The following RTN1 variants were observed in gnomAD, a reference collection of about 807,000 sequenced individuals.
The protein encoded by RTN1 is reticulon-1.
RTN1 carries 25 observed loss-of-function variants against 65.5 expected under a neutral mutation model. The ratio of observed to expected loss-of-function variants is 0.38; its 90% CI spans 0.28 to 0.53. The LOEUF is 0.53. Ranked by LOEUF, RTN1 falls within the 20% of genes least tolerant of loss-of-function variation. The pLI is 0.79. For missense variants in RTN1, 983 were observed against 1,025.4 expected, an observed-to-expected ratio of 0.96 and a Z score of 0.57; for synonymous variants, 471 against 447.6, an observed-to-expected ratio of 1.05 and a Z score of -0.66.
At chr14:59,765,102 T>G (rs1885825318) in intron 1 of RTN1, among the ~76,000 whole-genome samples, 1 of 152,122 alleles carries the variant, frequency 6.6e-6, no homozygotes, top group African/African-American at 2.4e-5. Context: ...AATGCTGTTC[T>G]TTGTGTTAAA....
At chr14:59,637,100 G>A (rs1882681601) in intron 3 of RTN1, among the ~76,000 whole-genome samples, 1 of 152,200 alleles carries the variant, frequency 6.6e-6, no homozygotes, top group Non-Finnish European at 1.5e-5. Flanking sequence ...ACCCACAGTA[G>A]AAGTTCTTTT....
intron 1 of RTN1, among the ~76,000 whole-genome samples, chr14:59,818,878 T>G (rs1435730258): frequency 6.6e-6 from 1 of 152,226 alleles, no homozygotes; most frequent in East Asian, 1.9e-4. Context: ...TGAGATTGTG[T>G]GCAGAACTGG....
Position 59,749,213 on chromosome 14 carries a change from T to C in RTN1, c.242-2732A>G, listed in dbSNP as rs1231008434. On this transcript the variant is annotated intron_variant, in intron 1 of 8. Transcript: ENST00000267484. ...CTATATATATCTATATATATATCTA[T>C]ATATATCTATATATCTATATATATC... Among the ~76,000 whole-genome samples, 2 of 96,586 alleles carry C rather than the reference T, an allele frequency of 2.1e-5. 1 individual carries two copies. Among genetic ancestry groups the C allele is most frequent in the African/African-American group, 1.4e-4 (2 of 14,426 alleles). 63.4% of individuals were successfully genotyped at this position (96,586 alleles called of 152,430 possible). A position where few individuals can be genotyped will look rare whatever the true frequency, so the allele number is the denominator to read the frequency against.
chr14:59,820,121 T>C (rs1372727281), intron 1 of RTN1, among the ~76,000 whole-genome samples: 1 of 152,238 alleles, frequency 6.6e-6, no homozygotes, highest in African/African-American at 2.4e-5. Flanking sequence ...CATTGTGGTT[T>C]TGATTTGCAT....
chr14:59,816,193 G>GCA lies in RTN1; in HGVS notation c.241+54195_241+54196dup, dbSNP rs1049949881. Among the ~76,000 whole-genome samples the GCA allele has an allele frequency of 2.2e-4, 34 of 151,362 alleles. No individual in the cohort carries two copies. Among genetic ancestry groups the GCA allele is most frequent in the Middle Eastern group, 6.8e-3 (2 of 292 alleles). ...TGCATACTTTTAGAGACTAAAGTAT[G>GCA]CACACACACACACACAAGCTTGCGT... On this transcript the variant is annotated intron_variant, in intron 1 of 8. Coordinates refer to ENST00000267484, the MANE Select transcript of RTN1 (RefSeq NM_021136.3). The surrounding 1 kb of genome is among the most constrained non-coding windows in gnomAD (Gnocchi z 4.3).
At position 59,806,890 on chromosome 14, in the gene RTN1, C is replaced by T. The variant is rs1886648955; in HGVS notation, c.242-60409G>A. Among the ~76,000 whole-genome samples, 3 of 152,176 alleles carry T rather than the reference C, an allele frequency of 2.0e-5. No individual in the cohort carries two copies. In the South Asian group the frequency reaches 6.2e-4, roughly 31 times the overall value. On this transcript the variant is annotated intron_variant, in intron 1 of 8. Transcript: ENST00000267484. ...CATTAATGGGCAATTAGGTTGGTTC[C>T]TTGTCTTTGCTATTGCAAATAGTAA...
At chr14:59,762,623 A>T (rs1399532076) in intron 1 of RTN1, among the ~76,000 whole-genome samples, 3 of 152,214 alleles carry the variant, frequency 2.0e-5, no homozygotes, top group African/African-American at 7.2e-5. Flanking sequence ...TTCTTAAGCT[A>T]AACTAGATGG....
Position 59,870,426 on chromosome 14 carries a change from G to C in RTN1, c.205C>G (p.Arg69Gly), listed in dbSNP as rs770376901. Reference protein sequence around the residue: ...ASREAGSGPARQSPVAMETAS... With the variant: ...ASREAGSGPAGQSPVAMETAS... Reference sequence around the variant, plus strand: ...GTTTCCATGGCAACGGGCGACTGCCGGGCGGGGCCCGAGCCGGCTTCCCGC... The same window carrying C: ...GTTTCCATGGCAACGGGCGACTGCCCGGCGGGGCCCGAGCCGGCTTCCCGC... Residue 69 changes from arginine to glycine, a missense_variant, in exon 1 of 9, where the codon CGG becomes GGG. Transcript: ENST00000267484. This position sits in a 1 kb window ranked among gnomAD's most constrained non-coding sequence, Gnocchi z 5.1. The C allele has an allele frequency of 6.6e-7, 1 of 1,521,744 alleles. No homozygotes were observed. The highest frequency in any genetic ancestry group is 1.2e-5 in the South Asian group (1 of 82,002). 94.3% of individuals were successfully genotyped at this position (1,521,744 alleles called of 1,614,324 possible).
chr14:59,740,531 T>G (rs1416231703), intron 2 of RTN1, among the ~76,000 whole-genome samples: 1 of 152,202 alleles, frequency 6.6e-6, no homozygotes, highest in Non-Finnish European at 1.5e-5. Flanking sequence ...ACTATGCTAG[T>G]GCATTCAGAA....
intron 3 of RTN1, among the ~76,000 whole-genome samples, chr14:59,659,675 C>T (rs1178774989): frequency 1.3e-5 from 2 of 152,210 alleles, no homozygotes; most frequent in African/African-American, 4.8e-5. Flanking sequence ...AAATACTTTA[C>T]AGACAAGCAA....
At chr14:59,686,631 T>C (rs2140225157) in intron 3 of RTN1, among the ~76,000 whole-genome samples, 1 of 152,316 alleles carries the variant, frequency 6.6e-6, no homozygotes, top group East Asian at 1.9e-4. Flanking sequence ...ACAGCCCTCG[T>C]GACAGTGTCT....
At chr14:59,733,109 T>C (rs926880326) in intron 2 of RTN1, among the ~76,000 whole-genome samples, 18 of 151,994 alleles carry the variant, frequency 1.2e-4, no homozygotes, top group African/African-American at 4.1e-4. Context: ...TTCTTTCTTT[T>C]GAGGCAGAGT....
At chr14:59,746,551 C>A in intron 1 of RTN1, 70 bp from the exon 2 acceptor site, 2 of 1,325,604 alleles carry the variant, frequency 1.5e-6, no homozygotes, top group South Asian at 1.4e-5. Context: ...TCTAACCCAC[C>A]ACCCACCCCT....
intron 1 of RTN1, among the ~76,000 whole-genome samples, chr14:59,810,931 G>A (rs547592229): frequency 6.6e-6 from 1 of 152,110 alleles, no homozygotes; most frequent in African/African-American, 2.4e-5. Context: ...ACAGGACCCT[G>A]GATTGTAGCT....
intron 3 of RTN1, among the ~76,000 whole-genome samples, chr14:59,632,669 A>G (rs1305099861): frequency 2.0e-5 from 3 of 152,204 alleles, no homozygotes; most frequent in Non-Finnish European, 1.5e-5. Context: ...TGTACTGCCA[A>G]TCTGACAGTC....
At chr14:59,649,053 A>T (rs1422784265) in intron 3 of RTN1, among the ~76,000 whole-genome samples, 1 of 152,230 alleles carries the variant, frequency 6.6e-6, no homozygotes, top group Non-Finnish European at 1.5e-5. Flanking sequence ...CTGGTACCAA[A>T]ACAGATATAT....
intron 3 of RTN1, among the ~76,000 whole-genome samples, chr14:59,651,639 G>A (rs909668086): frequency 3.9e-5 from 6 of 152,014 alleles, no homozygotes; most frequent in African/African-American, 1.4e-4. Context: ...TTGGGAGGTC[G>A]AGGCAGGAGA....
chr14:59,859,089 A>G (rs1003472384), intron 1 of RTN1, among the ~76,000 whole-genome samples: 1 of 152,236 alleles, frequency 6.6e-6, no homozygotes, highest in Non-Finnish European at 1.5e-5. Context: ...AATTTGGGGT[A>G]ACTATGGTTT....
At chr14:59,667,529 A>C (rs1883405476) in intron 3 of RTN1, among the ~76,000 whole-genome samples, 1 of 152,208 alleles carries the variant, frequency 6.6e-6, no homozygotes, top group Admixed American at 6.5e-5. Context: ...AACGGGAAGC[A>C]TCCCCTTTGA....
Sources: gnomAD v4.1 joint callset for allele counts (sites outside exome capture counted in the v4.1 genomes callset) on GRCh38, gnomAD v4.1.1 for gene constraint, Gnocchi (gnomAD v3.1) non-coding constraint, MANE v1.5 for transcripts, NCBI Gene and HGNC (gene_info 2026-07-23, HGNC 2026-07-21) for gene names.